Variants in TTLL11 observed in about 807,000 individuals in gnomAD.
TTLL11 encodes the protein tubulin tyrosine ligase like 11.
Under a neutral mutation model 51.7 loss-of-function variants are expected in TTLL11, and 42 were observed. That is an observed-to-expected ratio of 0.81 (90% CI 0.64 to 1.05). TTLL11 has a LOEUF of 1.05. Ranked by LOEUF, TTLL11 falls within the 50% of genes least tolerant of loss-of-function variation. The pLI is 0.00. For missense variants in TTLL11, 799 were observed against 940.4 expected (o/e 0.85, Z 1.97); for synonymous variants, 381 against 383.5 (o/e 0.99, Z 0.08).
At position 121,849,853 on chromosome 9, in the gene TTLL11, G is replaced by A. The variant is rs143286653; in HGVS notation, c.1840+10484C>T. Among the ~76,000 whole-genome samples, 1,328 of 152,224 alleles carry A rather than the reference G, an allele frequency of 8.7e-3. 13 individuals are homozygous for A. The highest frequency in any genetic ancestry group is 0.017 in the Middle Eastern group (5 of 294). ...AGTCTGGCGTCCCTCAGCATCCACA[G>A]GAGATCAGTTCCAGGTAACCCCACC... On this transcript the variant is annotated intron_variant, in intron 8 of 8. Coordinates refer to ENST00000321582, the MANE Select transcript of TTLL11 (RefSeq NM_001139442.2).
At chr9:121,854,975 A>T (rs925326244) in intron 8 of TTLL11, among the ~76,000 whole-genome samples, 2 of 152,350 alleles carry the variant, frequency 1.3e-5, no homozygotes, top group South Asian at 2.1e-4. Context: ...AGCATAAGCT[A>T]CATGTTACTA....
intron 7 of TTLL11, among the ~76,000 whole-genome samples, chr9:121,867,010 G>C (rs1256926235): frequency 2.0e-5 from 3 of 152,170 alleles, no homozygotes; most frequent in Non-Finnish European, 2.9e-5. Flanking sequence ...CTATCACATA[G>C]AGACAGATTT....
intron 3 of TTLL11, among the ~76,000 whole-genome samples, chr9:122,001,657 T>G (rs1245673282): frequency 2.6e-5 from 4 of 151,978 alleles, no homozygotes; most frequent in Non-Finnish European, 4.4e-5. Context: ...GAGACAGCAG[T>G]GCAGAGCTGG....
At chr9:121,945,784 A>G (rs747748545) in intron 6 of TTLL11, among the ~76,000 whole-genome samples, 1 of 152,216 alleles carries the variant, frequency 6.6e-6, no homozygotes, top group Non-Finnish European at 1.5e-5. Flanking sequence ...CAATTTAACA[A>G]CCATGGATAA....
At chr9:122,069,405 G>A (rs1053377118) in intron 1 of TTLL11, among the ~76,000 whole-genome samples, 3 of 152,200 alleles carry the variant, frequency 2.0e-5, no homozygotes, top group Non-Finnish European at 4.4e-5. Context: ...GGAAGGGGCT[G>A]GGCATGGTGG....
chr9:121,926,473 C>T (rs959891462), intron 6 of TTLL11, among the ~76,000 whole-genome samples: 4 of 152,334 alleles, frequency 2.6e-5, no homozygotes, highest in South Asian at 4.1e-4. Flanking sequence ...CAGAACAACC[C>T]GATGATGGGC....
At chr9:121,874,136 C>T (rs940692411) in intron 6 of TTLL11, among the ~76,000 whole-genome samples, 1 of 151,998 alleles carries the variant, frequency 6.6e-6, no homozygotes, top group Non-Finnish European at 1.5e-5. Context: ...GGATTACAGG[C>T]GTGAGCCACC....
At chr9:121,985,249 C>T (rs184704085) in intron 4 of TTLL11, among the ~76,000 whole-genome samples, 1 of 152,210 alleles carries the variant, frequency 6.6e-6, no homozygotes, top group Non-Finnish European at 1.5e-5. Flanking sequence ...CGGAACATTA[C>T]AGCTTGAAAA....
intron 4 of TTLL11, among the ~76,000 whole-genome samples, chr9:121,981,239 T>C (rs1842821712): frequency 6.6e-6 from 1 of 152,018 alleles, no homozygotes; most frequent in Non-Finnish European, 1.5e-5. Flanking sequence ...GGGTCTGTTC[T>C]TTTTTTTCCT....
At position 121,980,164 on chromosome 9, in the gene TTLL11, T is replaced by C. The variant is rs369415311; in HGVS notation, c.1270-5185A>G. Among the ~76,000 whole-genome samples the C allele has an allele frequency of 1.1e-3, 154 of 143,100 alleles. 1 individual carries two copies. The highest frequency in any genetic ancestry group is 3.8e-3 in the African/African-American group (147 of 39,102). 93.9% of individuals were successfully genotyped at this position (143,100 alleles called of 152,430 possible). On this transcript the variant is annotated intron_variant, in intron 4 of 8. Coordinates refer to ENST00000321582, the MANE Select transcript of TTLL11 (RefSeq NM_001139442.2). ...GGAGGAGAGCATTTGGTGATCTACCTAGGAGGGCCAGGGGGGCCTTTCTTT... is the reference window on the plus strand; with the variant it reads ...GGAGGAGAGCATTTGGTGATCTACCCAGGAGGGCCAGGGGGGCCTTTCTTT...
chr9:121,918,645 C>G (rs1840423979), intron 6 of TTLL11, among the ~76,000 whole-genome samples: 1 of 152,194 alleles, frequency 6.6e-6, no homozygotes, highest in Admixed American at 6.5e-5. Flanking sequence ...ATCCATTTCA[C>G]TTCATTTCTT....
intron 4 of TTLL11, among the ~76,000 whole-genome samples, chr9:121,988,415 A>C (rs1842992788): frequency 2.9e-5 from 4 of 136,568 alleles, no homozygotes; most frequent in African/African-American, 5.6e-5. Context: ...CTCCCACCTC[A>C]CCTTCCCTCA....
At chr9:121,971,021 G>A (rs907316149) in intron 6 of TTLL11, among the ~76,000 whole-genome samples, 1 of 146,286 alleles carries the variant, frequency 6.8e-6, no homozygotes, top group Admixed American at 6.8e-5. Flanking sequence ...AGGGAGGTGG[G>A]GGGGTCAGCC....
At chr9:121,946,906 T>A (rs1221269559) in intron 6 of TTLL11, among the ~76,000 whole-genome samples, 1 of 152,062 alleles carries the variant, frequency 6.6e-6, no homozygotes, top group Non-Finnish European at 1.5e-5. Context: ...CCTACCCCCA[T>A]TCATTAGATC....
At chr9:121,888,996 T>TA (rs1183057248) in intron 6 of TTLL11, among the ~76,000 whole-genome samples, 3 of 152,250 alleles carry the variant, frequency 2.0e-5, no homozygotes, top group Non-Finnish European at 4.4e-5. Context: ...TCCCAAATGC[T>TA]AGAGCATGGA....
intron 1 of TTLL11, among the ~76,000 whole-genome samples, chr9:122,066,748 A>C (rs1845594395): frequency 6.6e-6 from 1 of 152,166 alleles, no homozygotes; most frequent in Non-Finnish European, 1.5e-5. Context: ...GTCCGTTTTC[A>C]TACTGTTATC....
chr9:121,844,896 T>C (rs1183251982), intron 8 of TTLL11, among the ~76,000 whole-genome samples: 3 of 151,750 alleles, frequency 2.0e-5, no homozygotes, highest in African/African-American at 7.3e-5. Context: ...AAGTACAAAA[T>C]ATATGTTATG....
intron 6 of TTLL11, among the ~76,000 whole-genome samples, chr9:121,893,125 TTC>T (rs975111121): frequency 2.0e-5 from 3 of 152,226 alleles, no homozygotes; most frequent in African/African-American, 4.8e-5. Flanking sequence ...TGCATATTAT[TTC>T]TTTTTCCTAT....
chr9:121,926,451 C>G (rs1840737872), intron 6 of TTLL11, among the ~76,000 whole-genome samples: 1 of 152,240 alleles, frequency 6.6e-6, no homozygotes, highest in Non-Finnish European at 1.5e-5. Flanking sequence ...ATTCATTAAT[C>G]CTTTTCATTC....
Sources: allele counts gnomAD v4.1 joint callset (sites outside exome capture counted in the v4.1 genomes callset), GRCh38; gene constraint gnomAD v4.1.1; transcripts MANE v1.5; gene names NCBI Gene and HGNC (gene_info 2026-07-23, HGNC 2026-07-21).